Variants in SLCO2A1 observed in about 807,000 individuals in gnomAD.
The protein encoded by SLCO2A1 is matrin F/G 1.
Under a neutral mutation model 71.7 loss-of-function variants are expected in SLCO2A1, and 60 were observed. The observed-to-expected ratio is 0.84, with a 90% CI of 0.68 to 1.04. The LOEUF (loss-of-function observed/expected upper bound fraction) is 1.04. SLCO2A1 is among the 50% of genes least tolerant of loss of function. SLCO2A1 has a pLI of 0.00. For synonymous variants in SLCO2A1, 308 were observed against 326.7 expected, an observed-to-expected ratio of 0.94 and a Z score of 0.62; for missense variants, 745 against 813.4, an observed-to-expected ratio of 0.92 and a Z score of 1.02.
At chr3:133,950,906 T>C (rs978523553) in intron 6 of SLCO2A1, 6 of 387,040 alleles carry the variant, frequency 1.6e-5, no homozygotes, top group Non-Finnish European at 2.4e-5. Context: ...TTGGCCTTTA[T>C]TGGCTCTTAA....
rs535300383 is a variant in SLCO2A1, at chr3:133,989,341, A to G, written c.97-9723T>C. ...CATTCCTTTGGTACTTTGTTTCTGC[A>G]TTTTGTTCAGTTCTTTGTTCAAAAT... On this transcript the variant is annotated intron_variant, in intron 1 of 13. Coordinates refer to ENST00000310926, the MANE Select transcript of SLCO2A1 (RefSeq NM_005630.3). Among the ~76,000 whole-genome samples the G allele has an allele frequency of 4.3e-4, 65 of 152,230 alleles. 1 individual carries two copies. The highest frequency in any genetic ancestry group is 1.5e-3 in the African/African-American group (61 of 41,542).
intron 1 of SLCO2A1, among the ~76,000 whole-genome samples, chr3:133,989,037 C>T (rs982244941): frequency 6.6e-6 from 1 of 152,214 alleles, no homozygotes; most frequent in Non-Finnish European, 1.5e-5. Context: ...CTCCCCCTTC[C>T]ACCACGTCTC....
chr3:134,020,179 C>A (rs933026923), intron 1 of SLCO2A1, among the ~76,000 whole-genome samples: 13 of 152,122 alleles, frequency 8.5e-5, no homozygotes, highest in African/African-American at 2.9e-4. Context: ...TCATGTGCAC[C>A]CCCTTAGAGT....
intron 1 of SLCO2A1, among the ~76,000 whole-genome samples, chr3:134,019,239 A>G (rs934165073): frequency 1.1e-4 from 17 of 152,194 alleles, no homozygotes; most frequent in African/African-American, 4.1e-4. Flanking sequence ...TATGTGAACA[A>G]TTTCACAATG....
intron 1 of SLCO2A1, among the ~76,000 whole-genome samples, chr3:134,005,481 A>AT (rs35386403): frequency 0.094 from 12,612 of 133,868 alleles, 790 homozygotes; most frequent in South Asian, 0.2. Flanking sequence ...ATGTGTTATA[A>AT]TTTTTTTTTT....
At chr3:134,015,674 C>T (rs1253058687) in intron 1 of SLCO2A1, among the ~76,000 whole-genome samples, 2 of 152,094 alleles carry the variant, frequency 1.3e-5, no homozygotes, top group Admixed American at 6.5e-5. Flanking sequence ...CAGATTAAAA[C>T]GTCACATTGT....
At chr3:133,991,189 T>C (rs1315854567) in intron 1 of SLCO2A1, among the ~76,000 whole-genome samples, 2 of 152,170 alleles carry the variant, frequency 1.3e-5, no homozygotes, top group Non-Finnish European at 1.5e-5. Context: ...GGTTGGCTCC[T>C]CTGAGGTGCA....
chr3:134,007,102 C>G (rs554824431), intron 1 of SLCO2A1, among the ~76,000 whole-genome samples: 3 of 152,152 alleles, frequency 2.0e-5, no homozygotes, highest in Non-Finnish European at 4.4e-5. Flanking sequence ...TTTCATGTGC[C>G]TTTTGGCCAC....
chr3:133,968,402 C>T (rs1391004991), intron 3 of SLCO2A1, among the ~76,000 whole-genome samples: 2 of 152,120 alleles, frequency 1.3e-5, no homozygotes, highest in Non-Finnish European at 2.9e-5. Context: ...AAAGGCTGAG[C>T]TCCCTGTCCT....
At chr3:133,974,550 A>G (rs1246463648) in intron 2 of SLCO2A1, among the ~76,000 whole-genome samples, 1 of 152,144 alleles carries the variant, frequency 6.6e-6, no homozygotes, top group Non-Finnish European at 1.5e-5. Context: ...GTCTGTTTTC[A>G]ATTCTGTGAA....
chr3:133,996,838 G>C (rs528486835), intron 1 of SLCO2A1, among the ~76,000 whole-genome samples: 2 of 152,138 alleles, frequency 1.3e-5, no homozygotes, highest in African/African-American at 4.8e-5. Context: ...CCCTCCACAT[G>C]GGAAAAAAGC....
chr3:134,013,085 T>C (rs934979427), intron 1 of SLCO2A1, among the ~76,000 whole-genome samples: 1 of 152,168 alleles, frequency 6.6e-6, no homozygotes, highest in Non-Finnish European at 1.5e-5. Context: ...GGGAGCCAAG[T>C]ATAAACAGCA....
chr3:133,983,139 G>T (rs938192941), intron 1 of SLCO2A1, among the ~76,000 whole-genome samples: 1 of 152,176 alleles, frequency 6.6e-6, no homozygotes, highest in Non-Finnish European at 1.5e-5. Context: ...GAAGAGAAGT[G>T]ACGCTATGTG....
chr3:134,023,524 C>A (rs529614502), intron 1 of SLCO2A1, among the ~76,000 whole-genome samples: 50 of 152,292 alleles, frequency 3.3e-4, no homozygotes, highest in African/African-American at 1.2e-3. Flanking sequence ...CCAGTGCCAA[C>A]CAGAAGTCTT....
chr3:134,002,566 T>C (rs1393756986), intron 1 of SLCO2A1, among the ~76,000 whole-genome samples: 2 of 152,274 alleles, frequency 1.3e-5, no homozygotes, highest in East Asian at 3.8e-4. Flanking sequence ...TATGAATCAC[T>C]GCCCTGAGAT....
intron 8 of SLCO2A1, among the ~76,000 whole-genome samples, chr3:133,948,112 T>G (rs1933634617): frequency 6.6e-6 from 1 of 152,150 alleles, no homozygotes; most frequent in Non-Finnish European, 1.5e-5. Flanking sequence ...GCAGCCTGGG[T>G]TGAGAATCTC....
At chr3:133,973,849 AG>A in intron 2 of SLCO2A1, 24 bp from the exon 3 acceptor site, 2 of 1,603,872 alleles carry the variant, frequency 1.2e-6, no homozygotes, top group African/African-American at 1.3e-5. Flanking sequence ...AGAAGGGCTG[AG>A]TGAGACAAGA....
chr3:133,956,015 G>A (rs369109401), intron 3 of SLCO2A1, among the ~76,000 whole-genome samples: 9 of 152,140 alleles, frequency 5.9e-5, no homozygotes, highest in Middle Eastern at 3.2e-3. Context: ...CCATGCCTCT[G>A]TTTTTAATTT....
chr3:133,995,406 T>C (rs1434587331), intron 1 of SLCO2A1, among the ~76,000 whole-genome samples: 1 of 152,194 alleles, frequency 6.6e-6, no homozygotes, highest in Admixed American at 6.5e-5. Context: ...CGTACCAAGC[T>C]ACTTACATCA....
Sources: gnomAD v4.1 joint callset for allele counts (sites outside exome capture counted in the v4.1 genomes callset) on GRCh38, gnomAD v4.1.1 for gene constraint, MANE v1.5 for transcripts, NCBI Gene and HGNC (gene_info 2026-07-23, HGNC 2026-07-21) for gene names.